Variants in MMRN1 observed in about 807,000 individuals in gnomAD.
The protein encoded by MMRN1 is multimerin 1.
In MMRN1, 94 loss-of-function variants were observed where a neutral mutation model predicts 100.7. The ratio of observed to expected loss-of-function variants is 0.93; its 90% CI spans 0.79 to 1.11. The LOEUF (loss-of-function observed/expected upper bound fraction) is 1.11. Ranked by LOEUF, MMRN1 falls within the 50% of genes least tolerant of loss-of-function variation. The probability of loss-of-function intolerance (pLI) is 0.00; values close to 1 mark genes in which losing one functional copy is unlikely to be tolerated. For missense variants in MMRN1, 1,606 were observed against 1,439.1 expected, an observed-to-expected ratio of 1.12 and a Z score of -1.88; for synonymous variants, 575 against 505.0, an observed-to-expected ratio of 1.14 and a Z score of -1.86.
intron 1 of MMRN1, among the ~76,000 whole-genome samples, chr4:89,899,037 T>G (rs1721300026): frequency 6.6e-6 from 1 of 152,154 alleles, no homozygotes; most frequent in African/African-American, 2.4e-5. Flanking sequence ...TGCATTTGTT[T>G]ATGAAAAAAA....
intron 1 of MMRN1, among the ~76,000 whole-genome samples, chr4:89,895,879 C>G (rs1259738683): frequency 6.6e-6 from 1 of 152,154 alleles, no homozygotes; most frequent in Non-Finnish European, 1.5e-5. Flanking sequence ...AGCAAACTAG[C>G]ACCACGGTGG....
At chr4:89,897,227 T>TA (rs1386973160) in intron 1 of MMRN1, among the ~76,000 whole-genome samples, 1 of 152,064 alleles carries the variant, frequency 6.6e-6, no homozygotes, top group Non-Finnish European at 1.5e-5. Context: ...TTTTTTTTTT[T>TA]GAGACGGAGT....
intron 1 of MMRN1, among the ~76,000 whole-genome samples, chr4:89,906,198 T>C (rs1448990743): frequency 2.0e-5 from 3 of 151,562 alleles, no homozygotes; most frequent in East Asian, 1.9e-4. Context: ...ATAAAAAATA[T>C]AGTAAACTGT....
intron 2 of MMRN1, among the ~76,000 whole-genome samples, chr4:89,909,742 G>A (rs1317928371): frequency 2.0e-5 from 3 of 151,304 alleles, no homozygotes; most frequent in East Asian, 3.9e-4. Context: ...TGAATTTCAT[G>A]CACAGTTTTG....
chr4:89,896,254 C>T (rs745586223), intron 1 of MMRN1, among the ~76,000 whole-genome samples: 12 of 152,144 alleles, frequency 7.9e-5, no homozygotes, highest in Non-Finnish European at 1.5e-4. Flanking sequence ...AGAATAGGTG[C>T]TCAACAACTC....
chr4:89,912,442 A>G (rs1301623244), intron 3 of MMRN1, among the ~76,000 whole-genome samples: 2 of 151,336 alleles, frequency 1.3e-5, no homozygotes, highest in Non-Finnish European at 3.0e-5. Context: ...GTTCCAGTTC[A>G]GTTATTTGAA....
At chr4:89,896,108 G>A (rs1372510) in intron 1 of MMRN1, among the ~76,000 whole-genome samples, 63,208 of 151,928 alleles carry the variant, frequency 0.42, 13,606 homozygotes, top group Admixed American at 0.46. Flanking sequence ...GAGCAACTCA[G>A]TTGATGTCTG....
intron 4 of MMRN1, among the ~76,000 whole-genome samples, chr4:89,925,877 A>T (rs1475040369): frequency 2.0e-5 from 3 of 152,152 alleles, no homozygotes; most frequent in Non-Finnish European, 4.4e-5. Context: ...CCACAAATAC[A>T]TGAGAACATG....
upstream of MMRN1, among the ~76,000 whole-genome samples, chr4:89,894,095 C>G (rs1315487657): frequency 6.6e-6 from 1 of 151,988 alleles, no homozygotes; most frequent in East Asian, 1.9e-4. Flanking sequence ...TTTTCTTCAT[C>G]TATCCCTTAC....
intron 3 of MMRN1, among the ~76,000 whole-genome samples, chr4:89,918,001 C>T (rs750752206): frequency 6.6e-6 from 1 of 151,682 alleles, no homozygotes; most frequent in Non-Finnish European, 1.5e-5. Context: ...AGGCCAAATT[C>T]ATCTGGCAGC....
intron 1 of MMRN1, among the ~76,000 whole-genome samples, chr4:89,885,490 G>T (rs1720915840): frequency 1.3e-5 from 2 of 152,010 alleles, no homozygotes; most frequent in Non-Finnish European, 2.9e-5. Context: ...AATTCCTGAA[G>T]ATTTGTATTG....
At chr4:89,908,922 A>T (rs560405680) in intron 1 of MMRN1, among the ~76,000 whole-genome samples, 51 of 151,540 alleles carry the variant, frequency 3.4e-4, no homozygotes, top group Non-Finnish European at 6.5e-4. Context: ...AATTTAAAGT[A>T]ATGGACCCGG....
intron 1 of MMRN1, among the ~76,000 whole-genome samples, chr4:89,888,127 T>C (rs994201195): frequency 2.6e-5 from 4 of 152,000 alleles, no homozygotes; most frequent in African/African-American, 9.7e-5. Context: ...TATATTTAAC[T>C]TTTCTGATGC....
rs1321081867 is a variant in MMRN1 at position 89,935,045 on chromosome 4, T to C, written c.1365T>C (p.Asp455=). Residue 455 remains aspartate, a synonymous_variant, in exon 6 of 8, where the codon GAT becomes GAC. Coordinates refer to ENST00000264790, the MANE Select transcript of MMRN1 (RefSeq NM_007351.3). ...LVQENRPTLT[D]IVELRNHIVN... ...AAGAGAATCGGCCCACTTTGACTGA[T>C]ATAGTGGAACTAAGGAATCACATTG... 4.3e-6 allele frequency: 7 copies of C among 1,613,550 alleles called. No homozygotes were observed. Among genetic ancestry groups the C allele is most frequent in the Middle Eastern group, 3.3e-4 (2 of 6,078 alleles).
Position 89,895,529 on chromosome 4 carries a change from G to A in MMRN1, c.558G>A (p.Arg186=). Residue 186 remains arginine, a synonymous_variant, in exon 1 of 8, where the codon CGG becomes CGA. Coordinates refer to ENST00000264790, the MANE Select transcript of MMRN1 (RefSeq NM_007351.3). ...NRAPRETYLS[R]GDSSSSQRTD... The stretch of plus-strand genomic sequence containing the variant: ...CCCCACGGGAAACATACCTCAGCCG[G>A]GGTGACAGCAGTTCCAGCCAAAGAA... 6.2e-7 allele frequency: 1 copy of A among 1,613,690 alleles called. No individual in the cohort carries two copies. The highest frequency in any genetic ancestry group is 8.5e-7 in the Non-Finnish European group (1 of 1,179,862).
chr4:89,905,840 C>A (rs111603884), intron 1 of MMRN1, among the ~76,000 whole-genome samples: 1 of 151,420 alleles, frequency 6.6e-6, no homozygotes, highest in Non-Finnish European at 1.5e-5. Flanking sequence ...TAATGAACAT[C>A]CTCAGGACTT....
intron 6 of MMRN1, among the ~76,000 whole-genome samples, chr4:89,943,378 T>C (rs1722892944): frequency 1.3e-5 from 2 of 152,314 alleles, no homozygotes; most frequent in Middle Eastern, 3.4e-3. Flanking sequence ...GGAAATTTGT[T>C]TGAAAATGTG....
At chr4:89,892,847 T>A (rs563637791), upstream of MMRN1, among the ~76,000 whole-genome samples, 1 of 152,182 alleles carries the variant, frequency 6.6e-6, no homozygotes, top group South Asian at 2.1e-4. Flanking sequence ...CAGACCAGGT[T>A]TGAACAGTCT....
chr4:89,905,221 A>G (rs570303495), intron 1 of MMRN1, among the ~76,000 whole-genome samples: 40 of 151,668 alleles, frequency 2.6e-4, no homozygotes, highest in African/African-American at 9.4e-4. Flanking sequence ...GTACAACACT[A>G]TTATTTCATA....
Sources: allele counts gnomAD v4.1 joint callset (sites outside exome capture counted in the v4.1 genomes callset), GRCh38; gene constraint gnomAD v4.1.1; transcripts MANE v1.5; gene names NCBI Gene and HGNC (gene_info 2026-07-23, HGNC 2026-07-21).